Variants in VPS26A observed in about 807,000 individuals in gnomAD.
VPS26A encodes vacuolar protein sorting-associated protein 26A.
Under a neutral mutation model 42.4 loss-of-function variants are expected in VPS26A, and 22 were observed. The ratio of observed to expected loss-of-function variants is 0.52; its 90% CI spans 0.37 to 0.74. The LOEUF (loss-of-function observed/expected upper bound fraction) is 0.74, where lower values mean the gene tolerates loss of function less well. Among genes scored for constraint, VPS26A ranks in the 30% least tolerant of loss-of-function variants. VPS26A has a pLI of 0.00. For missense variants in VPS26A, 276 were observed against 379.2 expected, an observed-to-expected ratio of 0.73 and a Z score of 2.26; for synonymous variants, 110 against 123.5, an observed-to-expected ratio of 0.89 and a Z score of 0.73.
chr10:69,145,636 C>T (rs761331429), intron 2 of VPS26A, among the ~76,000 whole-genome samples: 3 of 152,048 alleles, frequency 2.0e-5, no homozygotes, highest in Non-Finnish European at 2.9e-5. Context: ...TGTAATATAC[C>T]ACCTTTGTCA....
chr10:69,127,886 G>A (rs1209387761), intron 1 of VPS26A, among the ~76,000 whole-genome samples: 1 of 151,760 alleles, frequency 6.6e-6, no homozygotes, highest in African/African-American at 2.4e-5. Flanking sequence ...TTGTAGATAT[G>A]GGGGTCTAGC....
intron 1 of VPS26A, among the ~76,000 whole-genome samples, chr10:69,124,681 A>T (rs1410908895): frequency 1.3e-5 from 2 of 151,466 alleles, no homozygotes; most frequent in East Asian, 3.9e-4. Context: ...GGAGCCCCCC[A>T]CCTCCGGACT....
At chr10:69,147,924 A>C (rs1465973725) in intron 2 of VPS26A, among the ~76,000 whole-genome samples, 1 of 152,002 alleles carries the variant, frequency 6.6e-6, no homozygotes, top group Non-Finnish European at 1.5e-5. Flanking sequence ...ATTGTGCCCC[A>C]GCTGATCTCG....
chr10:69,148,077 T>A (rs968386182), intron 2 of VPS26A, among the ~76,000 whole-genome samples: 2 of 152,162 alleles, frequency 1.3e-5, no homozygotes, highest in African/African-American at 2.4e-5. Context: ...ATTTTTTTTT[T>A]ATAAATATGA....
intron 2 of VPS26A, among the ~76,000 whole-genome samples, chr10:69,134,160 C>T (rs1840852936): frequency 6.6e-6 from 1 of 152,078 alleles, no homozygotes; most frequent in African/African-American, 2.4e-5. Flanking sequence ...ATGTGGTAGA[C>T]AGTTTTGGAA....
At chr10:69,142,029 G>T (rs1455200793) in intron 2 of VPS26A, among the ~76,000 whole-genome samples, 1 of 151,192 alleles carries the variant, frequency 6.6e-6, no homozygotes, top group African/African-American at 2.4e-5. Flanking sequence ...GATTACAGGC[G>T]CATGCCACCA....
chr10:69,125,534 GCTT>G (rs1341215424), intron 1 of VPS26A, among the ~76,000 whole-genome samples: 1 of 151,452 alleles, frequency 6.6e-6, no homozygotes, highest in Non-Finnish European at 1.5e-5. Context: ...GTTAGGGCAG[GCTT>G]CTTTAATTGA....
intron 2 of VPS26A, among the ~76,000 whole-genome samples, chr10:69,137,765 T>G (rs1840947253): frequency 6.6e-6 from 1 of 152,010 alleles, no homozygotes; most frequent in Admixed American, 6.6e-5. Flanking sequence ...GATAGTAATA[T>G]TGAGGGCTAT....
chr10:69,152,392 A>G (rs570613136), intron 2 of VPS26A, among the ~76,000 whole-genome samples: 43 of 152,314 alleles, frequency 2.8e-4, no homozygotes, highest in African/African-American at 1.0e-3. Flanking sequence ...ATGCATATCT[A>G]CCCACATCAT....
At chr10:69,144,772 A>T (rs1269057302) in intron 2 of VPS26A, among the ~76,000 whole-genome samples, 1 of 151,588 alleles carries the variant, frequency 6.6e-6, no homozygotes, top group Admixed American at 6.6e-5. Flanking sequence ...TATGTTCTTG[A>T]TAAAGGTGTT....
chr10:69,135,026 T>C (rs899265491), intron 2 of VPS26A, among the ~76,000 whole-genome samples: 2 of 152,130 alleles, frequency 1.3e-5, no homozygotes, highest in Admixed American at 6.5e-5. Flanking sequence ...AGTAGTAGTG[T>C]TTGGCCTATT....
chr10:69,166,791 A>T (rs756720835), intron 7 of VPS26A, among the ~76,000 whole-genome samples: 1 of 152,194 alleles, frequency 6.6e-6, no homozygotes, highest in East Asian at 1.9e-4. Context: ...TATGAGTTTT[A>T]TATCTTTCAG....
At chr10:69,169,633 G>C (rs1329888495) in intron 8 of VPS26A, among the ~76,000 whole-genome samples, 4 of 148,002 alleles carry the variant, frequency 2.7e-5, no homozygotes, top group South Asian at 2.1e-4. Context: ...TTTTGAGACA[G>C]AGTCTCGCTC....
intron 1 of VPS26A, among the ~76,000 whole-genome samples, chr10:69,126,380 C>T (rs1840654977): frequency 6.6e-6 from 1 of 151,954 alleles, no homozygotes; most frequent in African/African-American, 2.4e-5. Context: ...GCGGAAGTTG[C>T]CTGACCAACA....
chr10:69,162,455 A>G lies in VPS26A; in HGVS notation c.601A>G (p.Arg201Gly). ...IVGKIYFLLV[R>G]IKIQHMELQL... ...TGGAAAAATTTACTTCTTATTAGTA[A>G]GAATAAAAATACAACATATGGAGTT... is the stretch of plus-strand genomic sequence containing the variant. The change falls in exon 6 of 9, where the codon AGA becomes GGA. Residue 201 changes from arginine (R) to glycine (G), a missense_variant. Transcript: ENST00000263559. 1 of 1,573,522 alleles carries G rather than the reference A, an allele frequency of 6.4e-7. No individual in the cohort carries two copies.
chr10:69,161,625 G>T, intron 5 of VPS26A: 1 of 277,730 alleles, frequency 3.6e-6, no homozygotes, highest in South Asian at 4.2e-5. Flanking sequence ...CACTTTACGG[G>T]GTTTCCCCCA....
chr10:69,157,016 A>G lies in VPS26A; in HGVS notation c.239A>G (p.Asn80Ser), dbSNP rs757829843. ...TTTTAAAATTTCTCAGAACTTTTCA[A>G]TGACAAGAGTAATACTCATGAATTT... is the stretch of plus-strand genomic sequence containing the variant. Reference protein sequence around the residue: ...IEFVGQIELFNDKSNTHEFVN... With the variant: ...IEFVGQIELFSDKSNTHEFVN... Residue 80 changes from asparagine to serine, a missense_variant, in exon 4 of 9, where the codon AAT becomes AGT. Transcript: ENST00000263559. 5 of 1,588,936 alleles carry G rather than the reference A, an allele frequency of 3.1e-6. No homozygotes were observed. Among genetic ancestry groups the G allele is most frequent in the Admixed American group, 1.8e-5 (1 of 54,068 alleles).
At chr10:69,149,347 ACAC>A (rs1437630183) in intron 2 of VPS26A, among the ~76,000 whole-genome samples, 1 of 152,144 alleles carries the variant, frequency 6.6e-6, no homozygotes, top group African/African-American at 2.4e-5. Context: ...AACATCAGAC[ACAC>A]CAAATTGAGG....
chr10:69,162,543 T>G lies in VPS26A; in HGVS notation c.658+31T>G. 5 of 1,375,728 alleles carry G rather than the reference T, an allele frequency of 3.6e-6. No homozygotes were observed. The East Asian group carries it at 7.2e-5, about 20-fold the overall frequency. The allele number at this position is 1,375,728 out of a possible 1,614,324, so 85.2% of individuals were successfully genotyped here. A position where few individuals can be genotyped will look rare whatever the true frequency, so the allele number is the denominator to read the frequency against. Reference sequence around the variant, plus strand: ...TTGAAAAGAGTATGTAAATTAAAATTCTTTGTTTTAGTTGACATTTTTAAA... The same window carrying G: ...TTGAAAAGAGTATGTAAATTAAAATGCTTTGTTTTAGTTGACATTTTTAAA... On this transcript the variant is annotated intron_variant, in intron 6 of 8. Coordinates refer to ENST00000263559, the MANE Select transcript of VPS26A (RefSeq NM_004896.5).
Sources: gnomAD v4.1 joint callset for allele counts (sites outside exome capture counted in the v4.1 genomes callset) on GRCh38, gnomAD v4.1.1 for gene constraint, MANE v1.5 for transcripts, NCBI Gene and HGNC (gene_info 2026-07-23, HGNC 2026-07-21) for gene names.